PLCG2: variants seen among roughly 807,000 people sequenced by gnomAD.
The protein encoded by PLCG2 is phospholipase C gamma 2, also known as 1-phosphatidylinositol 4,5-bisphosphate phosphodiesterase gamma-2.
In PLCG2, 69 loss-of-function variants were observed where a neutral mutation model predicts 175.6. The observed-to-expected ratio is 0.39, with a 90% confidence interval of 0.32 to 0.48. The LOEUF (loss-of-function observed/expected upper bound fraction) is 0.48, where lower values mean the gene tolerates loss of function less well. PLCG2 is among the 20% of genes least tolerant of loss of function. The pLI, the probability that PLCG2 is intolerant of heterozygous loss-of-function variation, is 0.91. For synonymous variants in PLCG2, 827 were observed against 624.0 expected (o/e 1.33, Z -4.85); for missense variants, 1,798 against 1,650.9 (o/e 1.09, Z -1.54).
intron 6 of PLCG2, among the ~76,000 whole-genome samples, chr16:81,869,728 C>G (rs368810846): frequency 1.2e-3 from 187 of 152,242 alleles, no homozygotes; most frequent in African/African-American, 4.4e-3. Context: ...AGAGTTGGCT[C>G]TTTTTTCTTC....
rs774021303 is a variant in PLCG2, at chr16:81,893,809, C to G, written c.1072+15C>G. 6.4e-7 allele frequency: 1 copy of G among 1,560,338 alleles called. No individual in the cohort carries two copies. The highest frequency in any genetic ancestry group is 8.8e-7 in the Non-Finnish European group (1 of 1,133,164). ...CTGCATTGAACGTGAGTAGCTCCTTCTTGGTGGAGGTCAGGCTCGCAGCAA... is the reference window on the plus strand; with the variant it reads ...CTGCATTGAACGTGAGTAGCTCCTTGTTGGTGGAGGTCAGGCTCGCAGCAA... On this transcript the variant is annotated intron_variant, in intron 12 of 32. Coordinates refer to ENST00000564138, the MANE Select transcript of PLCG2 (RefSeq NM_002661.5).
chr16:81,754,281 C>T (rs1909873981), intron 1 of PLCG2, among the ~76,000 whole-genome samples: 1 of 141,294 alleles, frequency 7.1e-6, no homozygotes, highest in African/African-American at 2.7e-5. Context: ...TCATTCCCTC[C>T]CCTCCCCACC....
chr16:81,954,577 C>T (rs1311880709), intron 31 of PLCG2, among the ~76,000 whole-genome samples: 2 of 152,204 alleles, frequency 1.3e-5, no homozygotes, highest in Admixed American at 6.5e-5. Context: ...TGAGTGAGAA[C>T]ATATGGTATT....
chr16:81,924,838 C>T (rs899021924), intron 22 of PLCG2, among the ~76,000 whole-genome samples: 19 of 152,232 alleles, frequency 1.2e-4, no homozygotes, highest in Non-Finnish European at 1.8e-4. Flanking sequence ...TGGAGGCTCC[C>T]AGACCCAGTT....
intron 31 of PLCG2, among the ~76,000 whole-genome samples, chr16:81,948,042 TGC>T (rs1911218296): frequency 1.3e-5 from 2 of 152,236 alleles, no homozygotes; most frequent in Non-Finnish European, 2.9e-5. Flanking sequence ...AATTCACTTA[TGC>T]TCCTACTAAC....
intron 30 of PLCG2, among the ~76,000 whole-genome samples, chr16:81,940,932 G>C (rs1910914561): frequency 6.6e-6 from 1 of 152,104 alleles, no homozygotes; most frequent in Admixed American, 6.6e-5. Flanking sequence ...TAGTATTTCT[G>C]ATGCATGGTG....
At chr16:81,789,529 T>C (rs1322423605) in intron 2 of PLCG2, among the ~76,000 whole-genome samples, 2 of 152,170 alleles carry the variant, frequency 1.3e-5, no homozygotes, top group Non-Finnish European at 2.9e-5. Context: ...CCTCAAGTGA[T>C]CCTCCCACCT....
chr16:81,911,348 G>T (rs1177668996), intron 18 of PLCG2, among the ~76,000 whole-genome samples: 1 of 152,040 alleles, frequency 6.6e-6, no homozygotes, highest in Non-Finnish European at 1.5e-5. Flanking sequence ...CTCCTGCTGT[G>T]ATCTCCGTCT....
intron 1 of PLCG2, chr16:81,783,036 A>T (rs1381331973): frequency 2.3e-6 from 1 of 442,588 alleles, no homozygotes; most frequent in Non-Finnish European, 4.5e-6. Context: ...AGCTGGAAGT[A>T]ACTGGGACCC....
rs779592401 is a variant in PLCG2 at position 81,889,254 on chromosome 16, C to G, written c.848C>G (p.Pro283Arg). 6.2e-7 allele frequency: 1 copy of G among 1,601,044 alleles called. No homozygotes were observed. Among genetic ancestry groups the G allele is most frequent in the Non-Finnish European group, 8.5e-7 (1 of 1,172,442 alleles). ...GACACCATGCGTGAAACTGCTGAGCCTTTCTTGTTTGTGGATGAGGTGAGT... is the reference window on the plus strand; with the variant it reads ...GACACCATGCGTGAAACTGCTGAGCGTTTCTTGTTTGTGGATGAGGTGAGT... ...IDDTMRETAE[P>R]FLFVDEFLTY... is the part of the protein sequence containing the mutation. The change falls in exon 10 of 33, where the codon CCT (proline) becomes CGT (arginine). Residue 283 changes from proline to arginine, a missense_variant. By Grantham distance (103) the Pro-to-Arg change is moderately radical. Coordinates refer to ENST00000564138, the MANE Select transcript of PLCG2 (RefSeq NM_002661.5).
chr16:81,838,954 T>C (rs1261959295), intron 2 of PLCG2, among the ~76,000 whole-genome samples: 1 of 151,962 alleles, frequency 6.6e-6, no homozygotes, highest in African/African-American at 2.4e-5. Context: ...CATCAGTGAG[T>C]CTTGCATGGC....
chr16:81,771,068 A>AAAAT (rs1910270599), intron 2 of PLCG2, among the ~76,000 whole-genome samples: 2 of 120,318 alleles, frequency 1.7e-5, no homozygotes, highest in African/African-American at 5.8e-5. Flanking sequence ...AAAAAAAAAA[A>AAAAT]AAAATAAATA....
At position 81,895,910 on chromosome 16, in the gene PLCG2, C is replaced by G; in HGVS notation, c.1176C>G (p.His392Gln). 1 of 1,614,082 alleles carries G rather than the reference C, an allele frequency of 6.2e-7. No individual in the cohort carries two copies. Reference sequence around the variant, plus strand: ...ACGTCGTGCAGGCCATCAAAGACCACGCCTTTGTTACCTCGAGGTCAGTTG... The same window carrying G: ...ACGTCGTGCAGGCCATCAAAGACCAGGCCTTTGTTACCTCGAGGTCAGTTG... ...FDDVVQAIKD[H>Q]AFVTSSFPVI... The change falls in exon 13 of 33, where the codon CAC becomes CAG. Residue 392 changes from histidine (H) to glutamine (Q), a missense_variant. His to Gln is a conservative substitution (Grantham distance 24). Transcript: ENST00000564138.
intron 30 of PLCG2, among the ~76,000 whole-genome samples, chr16:81,943,047 AC>A (rs1212827621): frequency 6.6e-6 from 1 of 152,180 alleles, no homozygotes; most frequent in Non-Finnish European, 1.5e-5. Context: ...TTTAAGAGGC[AC>A]ACGCCTAGTG....
At chr16:81,808,351 G>C (rs977723743) in intron 2 of PLCG2, among the ~76,000 whole-genome samples, 1 of 152,146 alleles carries the variant, frequency 6.6e-6, no homozygotes, top group Non-Finnish European at 1.5e-5. Context: ...CCTGAGGTCA[G>C]AATGTCCAGG....
chr16:81,923,239 C>G (rs1910129311), intron 21 of PLCG2, among the ~76,000 whole-genome samples: 2 of 152,074 alleles, frequency 1.3e-5, no homozygotes, highest in Admixed American at 1.3e-4. Flanking sequence ...ACTCCTAACC[C>G]CTAACCCTTA....
At chr16:81,925,099 C>G (rs539264450) in intron 22 of PLCG2, among the ~76,000 whole-genome samples, 3 of 152,184 alleles carry the variant, frequency 2.0e-5, no homozygotes, top group Admixed American at 2.0e-4. Context: ...GTGAGATGGC[C>G]TCATGCCTTT....
chr16:81,914,696 C>T (rs1300496620), intron 19 of PLCG2, among the ~76,000 whole-genome samples: 4 of 152,222 alleles, frequency 2.6e-5, no homozygotes, highest in African/African-American at 9.7e-5. Context: ...GGCTAATGGT[C>T]TGGCAGGGAT....
rs769742685 is a variant in PLCG2 at position 81,908,396 on chromosome 16, C to G, written c.1558-20C>G. 1.2e-5 allele frequency: 20 copies of G among 1,609,374 alleles called. No individual in the cohort carries two copies. The South Asian group carries it at 2.2e-4, about 18-fold the overall frequency. On this transcript the variant is annotated intron_variant, in intron 16 of 32. Transcript: ENST00000564138. The stretch of plus-strand genomic sequence containing the variant: ...TTTGGTCCAAGGCTTTCAGAAACCC[C>G]TCCTCTCTTTGCGGCCCAGGATATA...
Sources: allele counts gnomAD v4.1 joint callset (sites outside exome capture counted in the v4.1 genomes callset), GRCh38; gene constraint gnomAD v4.1.1; transcripts MANE v1.5; gene names NCBI Gene and HGNC (gene_info 2026-07-23, HGNC 2026-07-21).